Variants in CES5A observed in about 807,000 individuals in gnomAD.
CES5A encodes carboxylesterase 5A.
CES5A carries 67 observed loss-of-function variants against 62.9 expected under a neutral mutation model. That is an observed-to-expected ratio of 1.07 (90% CI 0.88 to 1.31). CES5A has a LOEUF of 1.31. Among genes scored for constraint, CES5A ranks in the 50% most tolerant of loss-of-function variants. The pLI is 0.00. For missense variants in CES5A, 748 were observed against 708.5 expected, an observed-to-expected ratio of 1.06 and a Z score of -0.63; for synonymous variants, 296 against 280.8, an observed-to-expected ratio of 1.05 and a Z score of -0.54.
At chr16:55,926,858 T>C (rs2034262779), upstream of CES5A, among the ~76,000 whole-genome samples, 1 of 152,220 alleles carries the variant, frequency 6.6e-6, no homozygotes, top group Non-Finnish European at 1.5e-5. Context: ...CCAGTCTGCT[T>C]TTGCTTTGAC....
At chr16:55,908,902 A>G (rs2034065553) in intron 1 of CES5A, among the ~76,000 whole-genome samples, 2 of 152,196 alleles carry the variant, frequency 1.3e-5, no homozygotes, top group Admixed American at 1.3e-4. Context: ...TCCCCTTCTC[A>G]GGGGCTGAGG....
chr16:55,930,571 A>C (rs753463775), intron 2 of CES5A, among the ~76,000 whole-genome samples: 5 of 152,176 alleles, frequency 3.3e-5, no homozygotes, highest in Admixed American at 6.5e-5. Context: ...AGTCCCCACC[A>C]GCAAGAAGGC....
chr16:55,871,529 G>A lies in CES5A; in HGVS notation c.417+96C>T, dbSNP rs949688347. 19 of 1,374,960 alleles carry A rather than the reference G, an allele frequency of 1.4e-5. No homozygotes were observed. In the African/African-American group the frequency reaches 1.5e-4, roughly 11 times the overall value. 85.2% of individuals were successfully genotyped at this position (1,374,960 alleles called of 1,614,324 possible). ...ATTACATTTCCCTTTTACCCAACAG[G>A]GGGTAGTTCCAATTCCAGACATGTA... On this transcript the variant is annotated intron_variant, in intron 3 of 12. Transcript: ENST00000290567.
At chr16:55,894,540 A>G (rs142793455) in intron 1 of CES5A, among the ~76,000 whole-genome samples, 2 of 151,854 alleles carry the variant, frequency 1.3e-5, no homozygotes, top group East Asian at 3.9e-4. Context: ...AGAAATAATA[A>G]ATGATGTTTT....
At chr16:55,928,136 G>A (rs368278043), upstream of CES5A, among the ~76,000 whole-genome samples, 13 of 152,198 alleles carry the variant, frequency 8.5e-5, no homozygotes, top group African/African-American at 2.4e-4. Context: ...CCAGCTACTC[G>A]GGAGGCTGAG....
At chr16:55,954,112 T>C (rs1191758500) in intron 1 of CES5A, among the ~76,000 whole-genome samples, 1 of 152,152 alleles carries the variant, frequency 6.6e-6, no homozygotes, top group Non-Finnish European at 1.5e-5. Context: ...TTGTTTTAAT[T>C]TTTAGCTCCC....
chr16:55,919,484 C>T (rs902985748), intron 1 of CES5A, among the ~76,000 whole-genome samples: 2 of 152,140 alleles, frequency 1.3e-5, no homozygotes, highest in East Asian at 3.9e-4. Context: ...TCTTCGCTTT[C>T]CTCAGGAAGT....
intron 2 of CES5A, among the ~76,000 whole-genome samples, chr16:55,942,797 TAAAC>T: frequency 6.6e-6 from 1 of 152,254 alleles, no homozygotes; most frequent in South Asian, 2.1e-4. Flanking sequence ...GTAAAATAGA[TAAAC>T]AAATAGTGGT....
At chr16:55,902,199 G>A (rs1057061250) in intron 1 of CES5A, among the ~76,000 whole-genome samples, 3 of 152,138 alleles carry the variant, frequency 2.0e-5, no homozygotes, top group African/African-American at 7.2e-5. Flanking sequence ...CAGGGGATGA[G>A]AAATGCGAAC....
In CES5A at chr16:55,859,705, A is replaced by C; in HGVS notation, c.916-18T>G. 6.3e-7 allele frequency: 1 copy of C among 1,592,760 alleles called. No homozygotes were observed. Among genetic ancestry groups the C allele is most frequent in the Non-Finnish European group, 8.5e-7 (1 of 1,172,770 alleles). On this transcript the variant is annotated intron_variant, in intron 7 of 12. Coordinates refer to ENST00000290567, the MANE Select transcript of CES5A (RefSeq NM_001143685.2). ...TTTGTTTTCTGTAATAAGGAAGAAA[A>C]AAAAATCATCAGCTATCATCAGCTA...
intron 1 of CES5A, among the ~76,000 whole-genome samples, chr16:55,884,087 A>G (rs2033788796): frequency 1.3e-5 from 2 of 152,352 alleles, no homozygotes; most frequent in African/African-American, 2.4e-5. Flanking sequence ...GAAAAGAACT[A>G]GGAAAATTAT....
intron 1 of CES5A, among the ~76,000 whole-genome samples, chr16:55,912,453 G>A (rs1404396032): frequency 1.3e-5 from 2 of 152,148 alleles, no homozygotes; most frequent in African/African-American, 2.4e-5. Flanking sequence ...CAGGCACCAA[G>A]GGGGTGCTCA....
intron 3 of CES5A, among the ~76,000 whole-genome samples, 156 bp from the exon 4 acceptor site, chr16:55,869,900 T>C (rs1389441716): frequency 2.6e-5 from 4 of 152,224 alleles, no homozygotes; most frequent in African/African-American, 9.6e-5. Context: ...GGGTTAAGCA[T>C]GTGGGCTCTG....
At chr16:55,921,653 A>G (rs1352431555) in intron 1 of CES5A, among the ~76,000 whole-genome samples, 2 of 149,620 alleles carry the variant, frequency 1.3e-5, no homozygotes, top group African/African-American at 2.5e-5. Flanking sequence ...AAAAAAAAAA[A>G]CCATTGAAGT....
intron 3 of CES5A, among the ~76,000 whole-genome samples, chr16:55,870,059 A>G (rs1247437904): frequency 6.6e-6 from 1 of 152,246 alleles, no homozygotes; most frequent in East Asian, 1.9e-4. Flanking sequence ...TGAGGTTTAA[A>G]CAAAATTCTG....
intron 5 of CES5A, among the ~76,000 whole-genome samples, chr16:55,865,080 C>A (rs181897436): frequency 6.6e-6 from 1 of 152,142 alleles, no homozygotes; most frequent in Non-Finnish European, 1.5e-5. Flanking sequence ...GTGGCACATG[C>A]CTGTAATCCC....
At chr16:55,857,603 C>T (rs1263957300) in intron 8 of CES5A, among the ~76,000 whole-genome samples, 2 of 152,160 alleles carry the variant, frequency 1.3e-5, no homozygotes, top group South Asian at 4.1e-4. Context: ...CATTAAGGAG[C>T]TGGGATTTGT....
chr16:55,860,378 A>G (rs1449967333), intron 7 of CES5A, among the ~76,000 whole-genome samples: 1 of 152,222 alleles, frequency 6.6e-6, no homozygotes, highest in African/African-American at 2.4e-5. Flanking sequence ...CAGCATCAGC[A>G]TCATCTGGGA....
At chr16:55,862,129 T>C (rs1279222648) in intron 6 of CES5A, among the ~76,000 whole-genome samples, 1 of 152,096 alleles carries the variant, frequency 6.6e-6, no homozygotes, top group African/African-American at 2.4e-5. Flanking sequence ...AGAAACCCCT[T>C]CCTCATCCAA....
Sources: gnomAD v4.1 joint callset for allele counts (sites outside exome capture counted in the v4.1 genomes callset) on GRCh38, gnomAD v4.1.1 for gene constraint, MANE v1.5 for transcripts, NCBI Gene and HGNC (gene_info 2026-07-23, HGNC 2026-07-21) for gene names.